The following TESC variants were observed in gnomAD, a reference collection of about 807,000 sequenced individuals.
TESC encodes tescalcin.
In TESC, 19 loss-of-function variants were observed where a neutral mutation model predicts 31.0. The ratio of observed to expected loss-of-function variants is 0.61; its 90% CI spans 0.43 to 0.90. TESC has a LOEUF of 0.90. Ranked by LOEUF, TESC falls within the 40% of genes least tolerant of loss-of-function variation. The pLI is 0.00. For missense variants in TESC, 248 were observed against 303.8 expected (o/e 0.82, Z 1.36); for synonymous variants, 109 against 114.8 (o/e 0.95, Z 0.32).
chr12:117,084,755 G>A lies in TESC; in HGVS notation c.59-9415C>T, dbSNP rs188544558. On this transcript the variant is annotated intron_variant, in intron 1 of 7. Coordinates refer to ENST00000335209, the MANE Select transcript of TESC (RefSeq NM_017899.4). Reference sequence around the variant, plus strand: ...AGGAGGAAAGAGAATGTCAGCATGCGCTCCCATCCATTTTGGGGCACCAGG... The same window carrying A: ...AGGAGGAAAGAGAATGTCAGCATGCACTCCCATCCATTTTGGGGCACCAGG... Among the ~76,000 whole-genome samples the A allele has an allele frequency of 7.9e-5, 12 of 152,290 alleles. No homozygotes were observed. In the East Asian group the frequency reaches 2.3e-3, roughly 29 times the overall value.
chr12:117,093,153 T>C (rs1955338419), intron 1 of TESC, among the ~76,000 whole-genome samples: 2 of 152,078 alleles, frequency 1.3e-5, no homozygotes, highest in African/African-American at 4.8e-5. Flanking sequence ...GTTGGGGTGC[T>C]CCCCTGTCCC....
intron 2 of TESC, among the ~76,000 whole-genome samples, chr12:117,073,913 C>CAA (rs34962443): frequency 3.2e-4 from 47 of 145,596 alleles, no homozygotes; most frequent in Non-Finnish European, 5.1e-4. Flanking sequence ...GACCACGTCT[C>CAA]AAAAAAAAAA....
chr12:117,083,729 G>A (rs1469489846), intron 1 of TESC, among the ~76,000 whole-genome samples: 1 of 152,174 alleles, frequency 6.6e-6, no homozygotes, highest in Non-Finnish European at 1.5e-5. Context: ...GGTTGCCAGG[G>A]GCTGGAGGGT....
At position 117,099,335 on chromosome 12, in the gene TESC, G is replaced by A; in HGVS notation, c.-53C>T. On this transcript the variant is annotated 5_prime_UTR_variant, in exon 1 of 8. Coordinates refer to ENST00000335209, the MANE Select transcript of TESC (RefSeq NM_017899.4). ...CGCGTCCCTCTCAGGCCCCGCACTG[G>A]CTTCGGCTGCGCAGCGGCGGGACTG... 7.3e-7 allele frequency: 1 copy of A among 1,367,780 alleles called. No homozygotes were observed. The highest frequency in any genetic ancestry group is 9.4e-7 in the Non-Finnish European group (1 of 1,062,762). 84.7% of individuals were successfully genotyped at this position (1,367,780 alleles called of 1,614,324 possible).
intron 1 of TESC, among the ~76,000 whole-genome samples, chr12:117,097,548 C>T (rs1418736822): frequency 6.6e-6 from 1 of 152,162 alleles, no homozygotes; most frequent in Non-Finnish European, 1.5e-5. Context: ...GAGGAGAGGG[C>T]ACATGAGAAA....
At chr12:117,067,395 T>A (rs1263091190) in intron 2 of TESC, among the ~76,000 whole-genome samples, 4 of 151,966 alleles carry the variant, frequency 2.6e-5, no homozygotes, top group Admixed American at 1.3e-4. Context: ...AAGACTCGCA[T>A]CTCTACAAAA....
At chr12:117,050,165 TCATGA>T (rs764709142) in intron 3 of TESC, among the ~76,000 whole-genome samples, 1 of 152,148 alleles carries the variant, frequency 6.6e-6, no homozygotes, top group Non-Finnish European at 1.5e-5. Context: ...GAATAGTATT[TCATGA>T]CAAGTGAAAA....
chr12:117,048,591 A>G, intron 4 of TESC: 1 of 409,300 alleles, frequency 2.4e-6, no homozygotes, highest in South Asian at 1.8e-5. Flanking sequence ...GAGGGAGAGG[A>G]GGAAACTGAC....
At chr12:117,076,721 G>T (rs1955079395) in intron 1 of TESC, among the ~76,000 whole-genome samples, 1 of 152,206 alleles carries the variant, frequency 6.6e-6, no homozygotes, top group South Asian at 2.1e-4. Context: ...TGGGATTACA[G>T]GTGTGAACCA....
At position 117,046,412 on chromosome 12, in the gene TESC, G is replaced by A; in HGVS notation, c.519+147C>T. On this transcript the variant is annotated intron_variant, in intron 6 of 7. Transcript: ENST00000335209. The stretch of plus-strand genomic sequence containing the variant: ...CTTCAGTCTCCTGGGGGACAGGAAG[G>A]GCTGGGAGAGGTTCCTGAGCCCCAC... 3 of 728,246 alleles carry A rather than the reference G, an allele frequency of 4.1e-6. No individual in the cohort carries two copies. The East Asian group carries it at 8.2e-5, about 20-fold the overall frequency. 45.1% of individuals were successfully genotyped at this position (728,246 alleles called of 1,614,324 possible). A position where few individuals can be genotyped will look rare whatever the true frequency, so the allele number is the denominator to read the frequency against.
At chr12:117,073,832 C>G (rs1266611782) in intron 2 of TESC, among the ~76,000 whole-genome samples, 1 of 152,190 alleles carries the variant, frequency 6.6e-6, no homozygotes, top group African/African-American at 2.4e-5. Flanking sequence ...GTAATCCCAG[C>G]CACTCAGGAG....
chr12:117,063,493 G>A (rs535772569), intron 2 of TESC, among the ~76,000 whole-genome samples: 16 of 152,188 alleles, frequency 1.1e-4, no homozygotes, highest in African/African-American at 3.6e-4. Flanking sequence ...GTTGGTTTCC[G>A]GTGGCTTTCG....
intron 1 of TESC, among the ~76,000 whole-genome samples, chr12:117,089,178 C>T (rs1418458467): frequency 1.3e-5 from 2 of 152,190 alleles, no homozygotes; most frequent in Non-Finnish European, 2.9e-5. Flanking sequence ...AAGACTGAGC[C>T]ACACACTGGT....
At chr12:117,068,509 A>G (rs1954917744) in intron 2 of TESC, among the ~76,000 whole-genome samples, 1 of 152,178 alleles carries the variant, frequency 6.6e-6, no homozygotes, top group African/African-American at 2.4e-5. Context: ...AGCCTGGCTG[A>G]CAGAGCGAGA....
chr12:117,086,992 G>C (rs1241491151), intron 1 of TESC, among the ~76,000 whole-genome samples: 1 of 152,178 alleles, frequency 6.6e-6, no homozygotes, highest in Non-Finnish European at 1.5e-5. Flanking sequence ...CTGGGCCTTG[G>C]GAGGGAGGCA....
chr12:117,061,921 T>C (rs1196393916), intron 2 of TESC, among the ~76,000 whole-genome samples: 1 of 152,130 alleles, frequency 6.6e-6, no homozygotes, highest in Non-Finnish European at 1.5e-5. Flanking sequence ...AAAATGGGGA[T>C]CATAGGAATA....
Position 117,042,004 on chromosome 12 carries a change from G to A in TESC, c.520-10C>T. On this transcript the variant is annotated splice_polypyrimidine_tract_variant and intron_variant, in intron 6 of 7. Transcript: ENST00000335209. ...ACACCTGATCAGGCTCCTGGGGACG[G>A]AAGCACAGGGTGGACAGTGAGTGGC... is the stretch of plus-strand genomic sequence containing the variant. The A allele has an allele frequency of 6.3e-7, 1 of 1,591,062 alleles. No homozygotes were observed. The highest frequency in any genetic ancestry group is 2.3e-5 in the East Asian group (1 of 43,796).
chr12:117,074,219 T>C (rs917634178), intron 2 of TESC, among the ~76,000 whole-genome samples: 1 of 151,706 alleles, frequency 6.6e-6, no homozygotes, highest in East Asian at 2.0e-4. Context: ...AAATAAAAAA[T>C]TACCTGGGTG....
intron 1 of TESC, among the ~76,000 whole-genome samples, chr12:117,097,166 G>A (rs1327499976): frequency 6.6e-6 from 1 of 152,084 alleles, no homozygotes; most frequent in Non-Finnish European, 1.5e-5. Context: ...CGGAGGACTG[G>A]GGGCAACTTT....
Sources: gnomAD v4.1 joint callset for allele counts (sites outside exome capture counted in the v4.1 genomes callset) on GRCh38, gnomAD v4.1.1 for gene constraint, MANE v1.5 for transcripts, NCBI Gene and HGNC (gene_info 2026-07-23, HGNC 2026-07-21) for gene names.